AMZ2: variants seen among roughly 807,000 people sequenced by gnomAD.
AMZ2 encodes archaemetzincin-2.
In AMZ2, 26 loss-of-function variants were observed where a neutral mutation model predicts 36.7. The ratio of observed to expected loss-of-function variants is 0.71; its 90% CI spans 0.52 to 0.98. AMZ2 has a LOEUF of 0.98. Among genes scored for constraint, AMZ2 ranks in the 50% least tolerant of loss-of-function variants. The pLI is 0.00. For missense variants in AMZ2, 394 were observed against 430.5 expected (o/e 0.92, Z 0.75); for synonymous variants, 144 against 149.1 (o/e 0.97, Z 0.25).
chr17:68,219,368 G>C (rs1327299197), intron 1 of AMZ2, among the ~76,000 whole-genome samples: 2 of 152,172 alleles, frequency 1.3e-5, no homozygotes, highest in Non-Finnish European at 2.9e-5. Context: ...GTCTGGTTCT[G>C]TTTGCCACAT....
At chr17:68,244,115 A>C (rs2073956047), upstream of AMZ2, among the ~76,000 whole-genome samples, 1 of 152,348 alleles carries the variant, frequency 6.6e-6, no homozygotes, top group African/African-American at 2.4e-5. Context: ...AAAGGACATC[A>C]TACATATGGA....
At chr17:68,221,763 A>C (rs1480405285) in intron 1 of AMZ2, among the ~76,000 whole-genome samples, 9 of 151,806 alleles carry the variant, frequency 5.9e-5, no homozygotes, top group Non-Finnish European at 1.0e-4. Flanking sequence ...CGGGCATGGC[A>C]CATGCCTGTA....
intron 4 of AMZ2, among the ~76,000 whole-genome samples, chr17:68,253,165 G>A (rs1459082440): frequency 6.6e-6 from 1 of 152,206 alleles, no homozygotes; most frequent in Non-Finnish European, 1.5e-5. Flanking sequence ...GCTCACACTT[G>A]ATTGGCCAGA....
chr17:68,221,511 C>T (rs1555728547), intron 1 of AMZ2, among the ~76,000 whole-genome samples: 2 of 152,022 alleles, frequency 1.3e-5, no homozygotes, highest in Admixed American at 6.5e-5. Flanking sequence ...AGGCGGACCA[C>T]GAGGTCAGGA....
intron 1 of AMZ2, among the ~76,000 whole-genome samples, chr17:68,221,186 A>G (rs1478842694): frequency 7.4e-6 from 1 of 135,648 alleles, no homozygotes; most frequent in African/African-American, 2.8e-5. Context: ...GGGTCAAGTG[A>G]TCTTCCTGCC....
chr17:68,248,033 G>GGCGTGGCGCAGTGCGAAGGGAC, upstream of AMZ2: 1 of 986,602 alleles, frequency 1.0e-6, no homozygotes, highest in Admixed American at 6.1e-5. Context: ...CAGTGGGCGT[G>GGCGTGGCGCAGTGCGAAGGGAC]GCGTGGCGCA....
rs2073176757 is a variant in AMZ2, at chr17:68,215,648, A to G, written c.-67+9410A>G. On this transcript the variant is annotated intron_variant, in intron 1 of 7. Transcript: ENST00000674770. Reference sequence around the variant, plus strand: ...GGAGCCCGGTGCTTGTACTCTGTATAGACATTCAGCAGTTATAGCAGGTCA... The same window carrying G: ...GGAGCCCGGTGCTTGTACTCTGTATGGACATTCAGCAGTTATAGCAGGTCA... 3.6e-5 allele frequency among the ~76,000 whole-genome samples: 5 copies of G among 138,008 alleles called. No individual in the cohort carries two copies. The South Asian group carries it at 1.2e-3, about 34-fold the overall frequency. 90.5% of individuals were successfully genotyped at this position (138,008 alleles called of 152,430 possible).
At position 68,211,738 on chromosome 17, in the gene AMZ2, G is replaced by GTATATGTATATATA. The variant is rs879948462; in HGVS notation, c.-67+5501_-67+5502insATATGTATATATAT. ...TGTATATATATGTATATGTATATAT[G>GTATATGTATATATA]TGTATATGTATATATGTATATGTAT... On this transcript the variant is annotated intron_variant, in intron 1 of 7. Coordinates refer to the AMZ2 transcript ENST00000674770. 4.0e-5 allele frequency among the ~76,000 whole-genome samples: 4 copies of GTATATGTATATATA among 101,076 alleles called. 1 individual carries two copies. The highest frequency in any genetic ancestry group is 1.4e-4 in the African/African-American group (3 of 21,392). 66.3% of individuals were successfully genotyped at this position (101,076 alleles called of 152,430 possible). A position where few individuals can be genotyped will look rare whatever the true frequency, so the allele number is the denominator to read the frequency against.
At chr17:68,226,297 A>T (rs1376057881) in intron 1 of AMZ2, among the ~76,000 whole-genome samples, 2 of 152,222 alleles carry the variant, frequency 1.3e-5, no homozygotes, top group African/African-American at 2.4e-5. Flanking sequence ...TTGTGCCTTA[A>T]GAGTTACGTG....
At chr17:68,256,000 G>A (rs1224727229) in intron 6 of AMZ2, 124 bp downstream of exon 6, 1 of 1,069,140 alleles carries the variant, frequency 9.4e-7, no homozygotes, top group African/African-American at 1.6e-5. Flanking sequence ...AAGATAAGCA[G>A]GAAGCTGCGG....
intron 1 of AMZ2, among the ~76,000 whole-genome samples, chr17:68,209,213 T>TTG (rs58112279): frequency 3.5e-4 from 51 of 145,886 alleles, no homozygotes; most frequent in Middle Eastern, 3.3e-3. Flanking sequence ...TTTTTTTTTT[T>TTG]GATGGAGTCT....
chr17:68,207,569 A>C (rs2144436677), intron 1 of AMZ2: 2 of 152,320 alleles, frequency 1.3e-5, no homozygotes, highest in South Asian at 4.1e-4. Context: ...GCTGTAGTAG[A>C]AGTGGTTAAC....
Position 68,209,581 on chromosome 17 carries a change from G to GGTGGGTGTGT in AMZ2, c.-67+3346_-67+3347insGGTGTGTGTG, listed in dbSNP as rs1264790118. 4.7e-4 allele frequency among the ~76,000 whole-genome samples: 50 copies of GGTGGGTGTGT among 106,934 alleles called. 1 individual carries two copies. Among genetic ancestry groups the GGTGGGTGTGT allele is most frequent in the Admixed American group, 1.3e-3 (14 of 10,522 alleles). The allele number at this position is 106,934 out of a possible 152,430, so 70.2% of individuals were successfully genotyped here. On this transcript the variant is annotated intron_variant, in intron 1 of 7. Transcript: ENST00000674770. The stretch of plus-strand genomic sequence containing the variant: ...AATATTATAGAAGAAAATAATTGTG[G>GGTGGGTGTGT]GTGTGTGTGTGTGTGTGTGTGTGTA...
chr17:68,240,189 C>T (rs1454626649), intron 1 of AMZ2, among the ~76,000 whole-genome samples: 1 of 152,098 alleles, frequency 6.6e-6, no homozygotes, highest in East Asian at 1.9e-4. Context: ...TGAGCTGACT[C>T]CCTTGGGTCT....
At chr17:68,233,395 G>T (rs2073710488) in intron 1 of AMZ2, among the ~76,000 whole-genome samples, 1 of 151,900 alleles carries the variant, frequency 6.6e-6, no homozygotes, top group Non-Finnish European at 1.5e-5. Context: ...TGTAATCCCA[G>T]CTACTCGGGA....
chr17:68,238,555 A>G (rs1322815684), intron 1 of AMZ2, among the ~76,000 whole-genome samples: 1 of 142,006 alleles, frequency 7.0e-6, no homozygotes, highest in Non-Finnish European at 1.5e-5. Context: ...TATAGAGAGA[A>G]AGAGTGCATA....
In AMZ2 at chr17:68,248,653, T is replaced by C. The variant is rs1236912230; in HGVS notation, c.-53T>C. 5.1e-6 allele frequency: 5 copies of C among 985,930 alleles called. No individual in the cohort carries two copies. The highest frequency in any genetic ancestry group is 6.0e-6 in the Non-Finnish European group (5 of 830,088). The allele number at this position is 985,930 out of a possible 1,614,324, so 61.1% of individuals were successfully genotyped here. ...ACTTTCTTCCAGCCAGGCCCAGACA[T>C]GTCCGTCCTTGTAAGTTAAAAGCTT... On this transcript the variant is annotated 5_prime_UTR_variant, in exon 1 of 7. The change abolishes an upstream ATG in the 5' untranslated region. Coordinates refer to ENST00000359904, the MANE Select transcript of AMZ2 (RefSeq NM_016627.5).
chr17:68,244,454 T>A (rs574777420), upstream of AMZ2, among the ~76,000 whole-genome samples: 26 of 152,322 alleles, frequency 1.7e-4, 1 homozygote, highest in African/African-American at 6.3e-4. Flanking sequence ...GACCCACTAA[T>A]TTTTGTATAT....
intron 1 of AMZ2, among the ~76,000 whole-genome samples, chr17:68,229,013 A>G (rs6501316): frequency 1.3e-5 from 2 of 152,330 alleles, no homozygotes; most frequent in African/African-American, 2.4e-5. Flanking sequence ...CTCCGTGGCC[A>G]GGTGGCGAGT....
Sources: gnomAD v4.1 joint callset for allele counts (sites outside exome capture counted in the v4.1 genomes callset) on GRCh38, gnomAD v4.1.1 for gene constraint, MANE v1.5 for transcripts, NCBI Gene and HGNC (gene_info 2026-07-23, HGNC 2026-07-21) for gene names.